The following GPC6 variants were observed in gnomAD, a reference collection of about 807,000 sequenced individuals.
The protein encoded by GPC6 is glypican-6.
Under a neutral mutation model 55.2 loss-of-function variants are expected in GPC6, and 14 were observed. That is an observed-to-expected ratio of 0.25 (90% CI 0.17 to 0.40). The LOEUF (loss-of-function observed/expected upper bound fraction) is 0.40. Ranked by LOEUF, GPC6 falls within the 10% of genes least tolerant of loss-of-function variation. The pLI, the probability that GPC6 is intolerant of heterozygous loss-of-function variation, is 1.00. For synonymous variants in GPC6, 278 were observed against 259.6 expected (o/e 1.07, Z -0.68); for missense variants, 641 against 708.5 (o/e 0.90, Z 1.08).
chr13:93,939,725 C>T (rs1185763781), intron 3 of GPC6, among the ~76,000 whole-genome samples: 3 of 152,070 alleles, frequency 2.0e-5, no homozygotes, highest in African/African-American at 7.2e-5. Flanking sequence ...GCTAGGATTA[C>T]AGGCATGAGC....
At chr13:94,011,786 T>C (rs1331717442) in intron 3 of GPC6, among the ~76,000 whole-genome samples, 1 of 152,166 alleles carries the variant, frequency 6.6e-6, no homozygotes, top group Non-Finnish European at 1.5e-5. Context: ...GTACAGCCAT[T>C]CATTCAAACA....
intron 3 of GPC6, among the ~76,000 whole-genome samples, chr13:93,876,959 A>G (rs1011037407): frequency 1.1e-4 from 16 of 152,068 alleles, no homozygotes; most frequent in Non-Finnish European, 1.5e-5. Flanking sequence ...TTTCCAACAA[A>G]GTCTAAACTG....
At chr13:93,242,345 A>G (rs1247267413) in intron 1 of GPC6, among the ~76,000 whole-genome samples, 1 of 152,162 alleles carries the variant, frequency 6.6e-6, no homozygotes, top group African/African-American at 2.4e-5. Flanking sequence ...CTCCTGTCCC[A>G]GTGTTCTGGA....
chr13:93,861,070 A>G (rs574058860), intron 3 of GPC6, among the ~76,000 whole-genome samples: 1 of 151,624 alleles, frequency 6.6e-6, no homozygotes, highest in Admixed American at 6.6e-5. Context: ...ACCTTACAGG[A>G]TCGTTTTGAG....
chr13:93,670,465 A>C (rs958696005), intron 2 of GPC6, among the ~76,000 whole-genome samples: 1 of 152,232 alleles, frequency 6.6e-6, no homozygotes, highest in African/African-American at 2.4e-5. Context: ...ATCTGGCATC[A>C]TAATGTATAC....
At chr13:94,401,024 T>C (rs1358823139) in intron 8 of GPC6, among the ~76,000 whole-genome samples, 1 of 152,180 alleles carries the variant, frequency 6.6e-6, no homozygotes, top group East Asian at 1.9e-4. Flanking sequence ...TCAGGCATCA[T>C]TGGCAGCACT....
intron 1 of GPC6, among the ~76,000 whole-genome samples, chr13:93,514,762 G>A (rs1449524915): frequency 1.3e-5 from 2 of 152,122 alleles, no homozygotes; most frequent in African/African-American, 4.8e-5. Flanking sequence ...TTCAGAGAAG[G>A]GAATGAGTTA....
At chr13:93,527,349 T>C (rs979453462) in intron 1 of GPC6, among the ~76,000 whole-genome samples, 1 of 152,122 alleles carries the variant, frequency 6.6e-6, no homozygotes, top group Non-Finnish European at 1.5e-5. Context: ...TTCCTCCTTA[T>C]GCAGTGTATT....
intron 3 of GPC6, among the ~76,000 whole-genome samples, chr13:93,926,263 A>T (rs544594186): frequency 1.3e-5 from 2 of 152,324 alleles, no homozygotes; most frequent in African/African-American, 4.8e-5. Flanking sequence ...CAAACCACAT[A>T]GAGTTCTAGG....
rs1425019823 is a variant in GPC6 at position 93,905,161 on chromosome 13, A to G, written c.711+74616A>G. Among the ~76,000 whole-genome samples the G allele has an allele frequency of 4.0e-5, 6 of 151,218 alleles. No individual in the cohort carries two copies. In the South Asian group the frequency reaches 1.3e-3, roughly 32 times the overall value. On this transcript the variant is annotated intron_variant, in intron 3 of 8. Transcript: ENST00000377047. Reference sequence around the variant, plus strand: ...TTTCCCTCATGTTCATTTTAGAATAAGTAGGGATGATTATTTATTTAGAAA... The same window carrying G: ...TTTCCCTCATGTTCATTTTAGAATAGGTAGGGATGATTATTTATTTAGAAA...
chr13:93,613,402 T>A (rs1490919187), intron 2 of GPC6, among the ~76,000 whole-genome samples: 1 of 152,132 alleles, frequency 6.6e-6, no homozygotes, highest in Non-Finnish European at 1.5e-5. Context: ...GTCAACAAAG[T>A]CTGAATAGTG....
At chr13:93,295,448 C>G (rs1489078750) in intron 1 of GPC6, among the ~76,000 whole-genome samples, 1 of 151,850 alleles carries the variant, frequency 6.6e-6, no homozygotes, top group Non-Finnish European at 1.5e-5. Context: ...AAAGCAAGTT[C>G]TCTGTCTGTC....
intron 1 of GPC6, among the ~76,000 whole-genome samples, chr13:93,491,954 T>G (rs1331656346): frequency 5.0e-5 from 6 of 119,582 alleles, no homozygotes; most frequent in African/African-American, 1.9e-4. Flanking sequence ...TCAGGTAGTG[T>G]GATGCCTCCA....
At chr13:93,657,648 A>C (rs546711476) in intron 2 of GPC6, among the ~76,000 whole-genome samples, 1 of 152,276 alleles carries the variant, frequency 6.6e-6, no homozygotes, top group Non-Finnish European at 1.5e-5. Context: ...ATAAGCTATC[A>C]ACAGAGTAAA....
intron 1 of GPC6, among the ~76,000 whole-genome samples, chr13:93,246,789 C>CA (rs767827311): frequency 0.045 from 1,845 of 40,866 alleles, 333 homozygotes; most frequent in African/African-American, 0.065. Flanking sequence ...AAGACTGTCT[C>CA]AAAAAAAAAA....
chr13:93,970,815 G>A (rs1880251711), intron 3 of GPC6, among the ~76,000 whole-genome samples: 1 of 152,170 alleles, frequency 6.6e-6, no homozygotes, highest in Admixed American at 6.6e-5. Flanking sequence ...ACAGAGTTTA[G>A]CCTCAAAGGA....
rs144080724 is a variant in GPC6, at chr13:94,131,853, T to C, written c.877+103959T>C. ...GGTAGCTAATACAAATGAAAGGGTT[T>C]TAAAAATAATTTATGTGGTTAGCAA... On this transcript the variant is annotated intron_variant, in intron 4 of 8. Coordinates refer to ENST00000377047, the MANE Select transcript of GPC6 (RefSeq NM_005708.5). Among the ~76,000 whole-genome samples the C allele has an allele frequency of 4.4e-3, 668 of 152,284 alleles. 3 individuals are homozygous for C. The highest frequency in any genetic ancestry group is 6.9e-3 in the Non-Finnish European group (466 of 68,012).
At chr13:94,205,817 G>A (rs1889885346) in intron 4 of GPC6, among the ~76,000 whole-genome samples, 1 of 152,170 alleles carries the variant, frequency 6.6e-6, no homozygotes, top group East Asian at 1.9e-4. Flanking sequence ...TCAGGATCCT[G>A]AATATAAAGA....
intron 6 of GPC6, among the ~76,000 whole-genome samples, chr13:94,335,775 G>GACTC (rs1877661186): frequency 1.3e-5 from 2 of 152,142 alleles, no homozygotes; most frequent in Non-Finnish European, 2.9e-5. Context: ...ATCTTATAGA[G>GACTC]ACTCCAGAGT....
Sources: gnomAD v4.1 joint callset for allele counts (sites outside exome capture counted in the v4.1 genomes callset) on GRCh38, gnomAD v4.1.1 for gene constraint, MANE v1.5 for transcripts, NCBI Gene and HGNC (gene_info 2026-07-23, HGNC 2026-07-21) for gene names.